Variants in SAMD12 observed in about 807,000 individuals in gnomAD.
The protein encoded by SAMD12 is sterile alpha motif domain containing 12.
SAMD12 carries 9 observed loss-of-function variants against 15.0 expected under a neutral mutation model. The ratio of observed to expected loss-of-function variants is 0.60; its 90% CI spans 0.36 to 1.05. The LOEUF (loss-of-function observed/expected upper bound fraction) is 1.05, where lower values mean the gene tolerates loss of function less well. SAMD12 is among the 50% of genes least tolerant of loss of function. SAMD12 has a pLI of 0.01. For synonymous variants in SAMD12, 86 were observed against 90.1 expected (o/e 0.96, Z 0.25); for missense variants, 230 against 234.2 (o/e 0.98, Z 0.12).
chr8:118,231,027 A>G (rs17432597), intron 4 of SAMD12, among the ~76,000 whole-genome samples: 120 of 152,298 alleles, frequency 7.9e-4, no homozygotes, highest in Non-Finnish European at 1.4e-3. Context: ...AAGGAGCACA[A>G]TTAGAAGGTT....
intron 4 of SAMD12, among the ~76,000 whole-genome samples, chr8:118,227,708 A>G (rs1812218623): frequency 6.6e-6 from 1 of 152,200 alleles, no homozygotes; most frequent in Non-Finnish European, 1.5e-5. Context: ...AAATGTTATG[A>G]TTACCTGTGA....
chr8:118,367,906 A>G (rs1818880058), intron 4 of SAMD12, among the ~76,000 whole-genome samples: 1 of 152,220 alleles, frequency 6.6e-6, no homozygotes, highest in Non-Finnish European at 1.5e-5. Context: ...GTCCATGTCA[A>G]GCCTTAAACA....
intron 3 of SAMD12, among the ~76,000 whole-genome samples, chr8:118,398,887 GTT>G (rs200342251): frequency 0.014 from 2,172 of 152,078 alleles, 56 homozygotes; most frequent in African/African-American, 0.049. Flanking sequence ...TTTTGTGTGT[GTT>G]TGTTTTTGTT....
rs1399226254 is a variant in SAMD12, at chr8:118,566,958, T to C, written c.192+13757A>G. Among the ~76,000 whole-genome samples, 4 of 152,214 alleles carry C rather than the reference T, an allele frequency of 2.6e-5. No individual in the cohort carries two copies. In the East Asian group the frequency reaches 5.8e-4, roughly 22 times the overall value. ...GGTTACAGGCAGCCAATTTGAATCC[T>C]GGGCTAAAAATATATACATGTTTTT... On this transcript the variant is annotated intron_variant, in intron 2 of 3. Coordinates refer to ENST00000314727, the MANE Select transcript of SAMD12 (RefSeq NM_207506.3).
exon 5 of SAMD12, chr8:118,197,241 T>C (rs935423240): frequency 2.3e-5 from 4 of 174,978 alleles, no homozygotes; most frequent in Non-Finnish European, 4.9e-5. Context: ...AATCGAGACG[T>C]GTTTACATTC....
chr8:118,435,194 T>C (rs1369168824), intron 3 of SAMD12, among the ~76,000 whole-genome samples: 1 of 152,194 alleles, frequency 6.6e-6, no homozygotes, highest in Admixed American at 6.5e-5. Context: ...TTGTGCAGTT[T>C]CAGTTACCTG....
At position 118,379,028 on chromosome 8, in the gene SAMD12, C is replaced by A; in HGVS notation, c.*389G>T. ...CTAAAGTGTGTGTGTATAATACATT[C>A]ATGTATAGTAATACATATCTAAAAT... On this transcript the variant is annotated 3_prime_UTR_variant, in exon 4 of 4. Transcript: ENST00000314727. The A allele has an allele frequency of 4.9e-6, 5 of 1,011,306 alleles. No homozygotes were observed. The highest frequency in any genetic ancestry group is 5.9e-6 in the Non-Finnish European group (5 of 841,928). The allele number at this position is 1,011,306 out of a possible 1,614,324, so 62.6% of individuals were successfully genotyped here.
chr8:118,400,577 G>A (rs1405536386), intron 3 of SAMD12: 1 of 152,198 alleles, frequency 6.6e-6, no homozygotes, highest in African/African-American at 2.4e-5. Context: ...AGACAATAAA[G>A]TTACAGAGAA....
chr8:118,467,391 A>G (rs1040926160), intron 2 of SAMD12, among the ~76,000 whole-genome samples: 1 of 152,194 alleles, frequency 6.6e-6, no homozygotes, highest in South Asian at 2.1e-4. Flanking sequence ...GCTTGGATTG[A>G]TGCCTCCCAC....
rs550004691 is a variant in SAMD12, at chr8:118,295,439, C to T, written c.433+84121G>A. ...TGCCAATATGAAGATAAGATCATGT[C>T]CAAACTGCACATTCAAATCTGAAAC... is the stretch of plus-strand genomic sequence containing the variant. On this transcript the variant is annotated intron_variant, in intron 4 of 4. Transcript: ENST00000409003. Among the ~76,000 whole-genome samples the T allele has an allele frequency of 3.9e-5, 6 of 152,226 alleles. No homozygotes were observed. The South Asian group carries it at 6.2e-4, about 16-fold the overall frequency.
At chr8:118,346,898 T>A (rs1467584819) in intron 4 of SAMD12, among the ~76,000 whole-genome samples, 1 of 152,200 alleles carries the variant, frequency 6.6e-6, no homozygotes, top group Non-Finnish European at 1.5e-5. Context: ...AGAGACTCAG[T>A]GGCCAAGGTG....
At chr8:118,500,570 C>A (rs762481013) in intron 2 of SAMD12, among the ~76,000 whole-genome samples, 37 of 152,084 alleles carry the variant, frequency 2.4e-4, no homozygotes, top group Non-Finnish European at 3.8e-4. Flanking sequence ...CTTTGGAAGG[C>A]TGAGACAGGC....
chr8:118,538,930 T>A (rs548938200), intron 2 of SAMD12, among the ~76,000 whole-genome samples: 1 of 152,318 alleles, frequency 6.6e-6, no homozygotes, highest in South Asian at 2.1e-4. Context: ...ATCTCCATGT[T>A]GCAAATAACA....
chr8:118,178,034 C>G, the SAMD12 span, among the ~76,000 whole-genome samples: 2 of 152,192 alleles, frequency 1.3e-5, no homozygotes, highest in African/African-American at 4.8e-5. Context: ...CATACGGTGG[C>G]CCAACCTGTC....
chr8:118,155,929 A>G, the SAMD12 span, among the ~76,000 whole-genome samples: 5 of 152,246 alleles, frequency 3.3e-5, no homozygotes, highest in Non-Finnish European at 7.3e-5. Context: ...TAAGTGTCAC[A>G]GGCATAGAAG....
chr8:118,510,182 ATC>A (rs1182682903), intron 2 of SAMD12, among the ~76,000 whole-genome samples: 2 of 152,090 alleles, frequency 1.3e-5, no homozygotes, highest in Non-Finnish European at 2.9e-5. Context: ...TTACAAAAAA[ATC>A]TCTGAGAAGC....
At chr8:118,191,165 A>G in exon 5 of SAMD12, 1 of 152,144 alleles carries the variant, frequency 6.6e-6, no homozygotes, top group East Asian at 1.9e-4. Context: ...TGTCCCAATC[A>G]TGACTGTGAC....
chr8:118,492,812 C>T (rs995545743), intron 2 of SAMD12, among the ~76,000 whole-genome samples: 5 of 152,104 alleles, frequency 3.3e-5, no homozygotes, highest in African/African-American at 1.2e-4. Flanking sequence ...ATATATAAAC[C>T]ATATATGAAA....
At chr8:118,534,218 A>G (rs1037301751) in intron 2 of SAMD12, among the ~76,000 whole-genome samples, 9 of 152,068 alleles carry the variant, frequency 5.9e-5, no homozygotes, top group Non-Finnish European at 1.3e-4. Context: ...GTTTGGCTGG[A>G]TATGAAATTC....
Sources: gnomAD v4.1 joint callset for allele counts (sites outside exome capture counted in the v4.1 genomes callset) on GRCh38, gnomAD v4.1.1 for gene constraint, MANE v1.5 for transcripts, NCBI Gene and HGNC (gene_info 2026-07-23, HGNC 2026-07-21) for gene names.